Variants in COL5A1 observed in about 807,000 individuals in gnomAD.
COL5A1 encodes collagen alpha-1(V) chain.
A neutral mutation model predicts 263.7 loss-of-function variants in COL5A1; 16 were observed. That is an observed-to-expected ratio of 0.06 (90% CI 0.04 to 0.09). The LOEUF (loss-of-function observed/expected upper bound fraction) is 0.09. COL5A1 is among the 10% of genes least tolerant of loss of function. The pLI is 1.00. For missense variants in COL5A1, 2,036 were observed against 2,540.5 expected, an observed-to-expected ratio of 0.80 and a Z score of 4.27; for synonymous variants, 1,012 against 1,004.5, an observed-to-expected ratio of 1.01 and a Z score of -0.14.
chr9:134,805,006 A>G lies in COL5A1; in HGVS notation c.3146A>G (p.Lys1049Arg). 6.2e-7 allele frequency: 1 copy of G among 1,613,872 alleles called. No homozygotes were observed. The highest frequency in any genetic ancestry group is 1.6e-4 in the Middle Eastern group (1 of 6,062). Residue 1049 changes from lysine (K) to arginine (R), a missense_variant, in exon 40 of 66, where the codon AAA becomes AGA. Lys to Arg is a conservative substitution (Grantham distance 26). This residue lies in a region of COL5A1 where 1,078 missense variants were observed against 1,521.4 expected (regional missense o/e 0.71). Coordinates refer to ENST00000371817, the MANE Select transcript of COL5A1 (RefSeq NM_000093.5). The stretch of plus-strand genomic sequence containing the variant: ...CCAGGCCCTGCAGGCCTCCCTGGGA[A>G]AGATGGCCCTCCAGGATTACGTGGT... ...GDPGPAGLPG[K>R]DGPPGLRGFP...
Position 134,842,712 on chromosome 9 carries a change from T to G in COL5A1, c.*409T>G. The G allele has an allele frequency of 3.8e-6, 1 of 264,784 alleles. No homozygotes were observed. Among genetic ancestry groups the G allele is most frequent in the Non-Finnish European group, 7.4e-6 (1 of 135,784 alleles). The allele number at this position is 264,784 out of a possible 1,614,324, so 16.4% of individuals were successfully genotyped here. ...CTAAATTCAACTTGAAGATGTGTAT[T>G]TCCCCTGACCTTCAAAAAATGTTCC... On this transcript the variant is annotated 3_prime_UTR_variant, in exon 66 of 66. Transcript: ENST00000371817. The surrounding 1 kb of genome is among the most constrained non-coding windows in gnomAD (Gnocchi z 5.8).
Position 134,754,680 on chromosome 9 carries a change from T to C in COL5A1, c.1827+354T>C, listed in dbSNP as rs187691200. Among the ~76,000 whole-genome samples, 80 of 152,316 alleles carry C rather than the reference T, an allele frequency of 5.3e-4. No homozygotes were observed. Among genetic ancestry groups the C allele is most frequent in the Middle Eastern group, 3.4e-3 (1 of 294 alleles). On this transcript the variant is annotated intron_variant, in intron 16 of 65. Transcript: ENST00000371817. This position sits in a 1 kb window ranked among gnomAD's most constrained non-coding sequence, Gnocchi z 4.3. ...TCGGGCAGCACTGGGACTCCAGAAA[T>C]GGCCTGATTCGGGGGCATGGGCGGG... is the stretch of plus-strand genomic sequence containing the variant.
Position 134,842,413 on chromosome 9 carries a change from C to A in COL5A1, c.*110C>A. 7.4e-7 allele frequency: 1 copy of A among 1,343,068 alleles called. No individual in the cohort carries two copies. Among genetic ancestry groups the A allele is most frequent in the Non-Finnish European group, 1.0e-6 (1 of 964,170 alleles). The allele number at this position is 1,343,068 out of a possible 1,614,324, so 83.2% of individuals were successfully genotyped here. A position where few individuals can be genotyped will look rare whatever the true frequency, so the allele number is the denominator to read the frequency against. ...CTGGACAGTGAAGGCTTCTCCCTCC[C>A]CTCCCACCTGACTTCATCTACGCCT... On this transcript the variant is annotated 3_prime_UTR_variant, in exon 66 of 66. Coordinates refer to ENST00000371817, the MANE Select transcript of COL5A1 (RefSeq NM_000093.5). The surrounding 1 kb of genome is among the most constrained non-coding windows in gnomAD (Gnocchi z 5.8).
chr9:134,656,984 C>T (rs1487519192), intron 1 of COL5A1, among the ~76,000 whole-genome samples: 1 of 2,542 alleles, frequency 3.9e-4, no homozygotes, highest in Non-Finnish European at 1.2e-3. Flanking sequence ...ATATGGGGGA[C>T]GGGGCAGGGG....
At chr9:134,683,913 C>T (rs777550015) in intron 1 of COL5A1, among the ~76,000 whole-genome samples, 8 of 152,198 alleles carry the variant, frequency 5.3e-5, no homozygotes, top group Non-Finnish European at 1.0e-4. Context: ...TGCCCCCAAG[C>T]GTCTCCCTTC....
intron 1 of COL5A1, among the ~76,000 whole-genome samples, chr9:134,672,694 A>G (rs1832571582): frequency 6.6e-6 from 1 of 152,248 alleles, no homozygotes; most frequent in Non-Finnish European, 1.5e-5. Flanking sequence ...AAAATAAAAT[A>G]AGAGGCATAT....
At chr9:134,815,812 G>GCT in intron 51 of COL5A1, 123 bp from the exon 52 acceptor site, 1 of 1,329,034 alleles carries the variant, frequency 7.5e-7, no homozygotes. Context: ...CACTGACCAT[G>GCT]CTCTGTGCTG....
At chr9:134,659,178 G>A (rs575205664) in intron 1 of COL5A1, among the ~76,000 whole-genome samples, 10 of 152,272 alleles carry the variant, frequency 6.6e-5, no homozygotes, top group Admixed American at 5.9e-4. Flanking sequence ...TGGATCACAA[G>A]GTCAGGAATT....
chr9:134,806,361 C>T (rs940205591), intron 42 of COL5A1, 65 bp downstream of exon 42: 3 of 1,163,224 alleles, frequency 2.6e-6, no homozygotes, highest in Non-Finnish European at 3.7e-6. Context: ...CCGTGTCTGG[C>T]CTTGTCCCTC....
At chr9:134,709,522 T>G (rs1002020823) in intron 4 of COL5A1, among the ~76,000 whole-genome samples, 6 of 152,170 alleles carry the variant, frequency 3.9e-5, no homozygotes, top group Non-Finnish European at 2.9e-5. Flanking sequence ...CTGCTGCAGG[T>G]GGCTGGTGAC....
At chr9:134,645,799 G>A (rs893610362) in intron 1 of COL5A1, among the ~76,000 whole-genome samples, 9 of 152,170 alleles carry the variant, frequency 5.9e-5, no homozygotes, top group African/African-American at 1.9e-4. Flanking sequence ...ACTTCCCATC[G>A]GTTTATCAGC....
chr9:134,760,508 G>A (rs191885195), intron 18 of COL5A1, among the ~76,000 whole-genome samples: 5,898 of 42,868 alleles, frequency 0.14, 252 homozygotes, highest in Middle Eastern at 0.2. Context: ...ATGCACACAC[G>A]CATACACACC....
Position 134,801,983 on chromosome 9 carries a change from C to T in COL5A1, c.2982C>T (p.Gly994=), listed in dbSNP as rs377265020. ...TCCAAGGCAAGACCGGCCCTCCAGG[C>T]CCCCCCGGCGTGGTCGGCCCTCAGG... ...TGFQGKTGPP[G]PPGVVGPQGP... The change falls in exon 38 of 66, where the codon GGC becomes GGT. Residue 994 remains glycine (G), a synonymous_variant. Coordinates refer to ENST00000371817, the MANE Select transcript of COL5A1 (RefSeq NM_000093.5). 7 of 1,612,230 alleles carry T rather than the reference C, an allele frequency of 4.3e-6. No individual in the cohort carries two copies. The highest frequency in any genetic ancestry group is 1.3e-5 in the African/African-American group (1 of 74,884).
chr9:134,696,790 G>A lies in COL5A1; in HGVS notation c.278-3119G>A, dbSNP rs1232563635. Among the ~76,000 whole-genome samples the A allele has an allele frequency of 3.3e-5, 5 of 152,282 alleles. No individual in the cohort carries two copies. The highest frequency in any genetic ancestry group is 3.3e-4 in the Admixed American group (5 of 15,296). On this transcript the variant is annotated intron_variant, in intron 2 of 65. Transcript: ENST00000371817. The surrounding 1 kb of genome is among the most constrained non-coding windows in gnomAD (Gnocchi z 4.3). ...GCAGAAGTAAAAGTGAAAAGCTCTG[G>A]CCGGGCGGGGTGGCTCACACCTGTA... is the stretch of plus-strand genomic sequence containing the variant.
At chr9:134,786,294 C>T (rs1032118620) in intron 31 of COL5A1, among the ~76,000 whole-genome samples, 6 of 152,234 alleles carry the variant, frequency 3.9e-5, no homozygotes, top group African/African-American at 1.4e-4. Flanking sequence ...GCCGTCTCCA[C>T]CCTGCACAGG....
chr9:134,708,474 G>T, intron 4 of COL5A1: 1 of 453,058 alleles, frequency 2.2e-6, no homozygotes, highest in Non-Finnish European at 4.4e-6. Flanking sequence ...ACCCTTCTAG[G>T]TCCTCGGTCC....
In COL5A1 at chr9:134,818,104, T is replaced by C. The variant is rs934525444; in HGVS notation, c.4230+273T>C. 2.6e-5 allele frequency among the ~76,000 whole-genome samples: 4 copies of C among 151,920 alleles called. No homozygotes were observed. Among genetic ancestry groups the C allele is most frequent in the African/African-American group, 9.7e-5 (4 of 41,374 alleles). ...GGGATTCAGGGAGCCCAAGGCTGAG[T>C]AGTTATGTCCCCCGGAGCCCTGCGA... On this transcript the variant is annotated intron_variant, in intron 54 of 65. Coordinates refer to ENST00000371817, the MANE Select transcript of COL5A1 (RefSeq NM_000093.5). The surrounding 1 kb of genome is among the most constrained non-coding windows in gnomAD (Gnocchi z 6.0).
chr9:134,796,352 C>G, intron 34 of COL5A1, 22 bp from the exon 35 acceptor site: 1 of 1,613,322 alleles, frequency 6.2e-7, no homozygotes, highest in Non-Finnish European at 8.5e-7. Flanking sequence ...TAAGCTTTTC[C>G]CCCCTCTCCT....
At chr9:134,827,210 G>A (rs536715552) in intron 63 of COL5A1, among the ~76,000 whole-genome samples, 2 of 152,332 alleles carry the variant, frequency 1.3e-5, no homozygotes, top group African/African-American at 2.4e-5. Context: ...GGGAAGAGCA[G>A]CTACGTTCTC....
Sources: allele counts gnomAD v4.1 joint callset (sites outside exome capture counted in the v4.1 genomes callset), GRCh38; gene constraint gnomAD v4.1.1; regional missense constraint gnomAD v4.1.1; non-coding constraint Gnocchi (gnomAD v3.1); transcripts MANE v1.5; gene names NCBI Gene and HGNC (gene_info 2026-07-23, HGNC 2026-07-21).